The following PTPRD variants were observed in gnomAD, a reference collection of about 807,000 sequenced individuals.
PTPRD encodes receptor-type tyrosine-protein phosphatase delta.
A neutral mutation model predicts 214.5 loss-of-function variants in PTPRD; 34 were observed. The ratio of observed to expected loss-of-function variants is 0.16; its 90% CI spans 0.12 to 0.21. The LOEUF (loss-of-function observed/expected upper bound fraction) is 0.21, where lower values mean the gene tolerates loss of function less well. PTPRD is among the 10% of genes least tolerant of loss of function. The pLI, the probability that PTPRD is intolerant of heterozygous loss-of-function variation, is 1.00. For synonymous variants in PTPRD, 1,128 were observed against 845.7 expected, an observed-to-expected ratio of 1.33 and a Z score of -5.79; for missense variants, 2,545 against 2,398.7, an observed-to-expected ratio of 1.06 and a Z score of -1.27.
intron 3 of PTPRD, among the ~76,000 whole-genome samples, chr9:10,056,404 TACCC>T (rs1159691915): frequency 6.6e-6 from 1 of 150,936 alleles, no homozygotes; most frequent in Non-Finnish European, 1.5e-5. Context: ...CAATAAAAGA[TACCC>T]ACAGGAGGAT....
intron 7 of PTPRD, among the ~76,000 whole-genome samples, chr9:9,592,419 T>A (rs566662059): frequency 6.6e-6 from 1 of 152,022 alleles, no homozygotes; most frequent in Non-Finnish European, 1.5e-5. Flanking sequence ...TCATATACAA[T>A]ATGAAAAATA....
At chr9:9,702,543 T>A (rs1305770701) in intron 7 of PTPRD, among the ~76,000 whole-genome samples, 1 of 152,126 alleles carries the variant, frequency 6.6e-6, no homozygotes, top group Non-Finnish European at 1.5e-5. Context: ...GGAAATAGAT[T>A]TCAGGTGGAT....
intron 11 of PTPRD, among the ~76,000 whole-genome samples, chr9:8,910,992 G>A (rs2098742913): frequency 6.6e-6 from 1 of 152,152 alleles, no homozygotes; most frequent in African/African-American, 2.4e-5. Flanking sequence ...ATCGATTAAA[G>A]ACACTATTAT....
intron 4 of PTPRD, among the ~76,000 whole-genome samples, chr9:9,985,773 G>A (rs1036361704): frequency 5.3e-5 from 8 of 151,550 alleles, no homozygotes; most frequent in African/African-American, 1.7e-4. Flanking sequence ...TTTTGATTAT[G>A]AAAAACATTT....
At chr9:8,330,408 A>G (rs779756993) in intron 44 of PTPRD, among the ~76,000 whole-genome samples, 2 of 152,158 alleles carry the variant, frequency 1.3e-5, no homozygotes, top group East Asian at 1.9e-4. Flanking sequence ...CAACTTTTAT[A>G]TGCACTGGGA....
intron 8 of PTPRD, among the ~76,000 whole-genome samples, chr9:9,463,450 G>A (rs1172772217): frequency 6.6e-6 from 1 of 152,014 alleles, no homozygotes; most frequent in Non-Finnish European, 1.5e-5. Context: ...GAGAGCAAGT[G>A]AGCAAGCAAG....
chr9:9,636,122 T>C (rs1015690852), intron 7 of PTPRD, among the ~76,000 whole-genome samples: 1 of 152,196 alleles, frequency 6.6e-6, no homozygotes, highest in African/African-American at 2.4e-5. Context: ...GCTTACAGGA[T>C]ATTTTTCACG....
intron 3 of PTPRD, among the ~76,000 whole-genome samples, chr9:10,083,956 A>C (rs1178656016): frequency 1.3e-5 from 2 of 151,960 alleles, no homozygotes; most frequent in African/African-American, 4.8e-5. Flanking sequence ...AGTTGGGGAC[A>C]CCTGAATAGA....
At chr9:8,653,820 G>C (rs983767828) in intron 12 of PTPRD, among the ~76,000 whole-genome samples, 1 of 152,156 alleles carries the variant, frequency 6.6e-6, no homozygotes, top group South Asian at 2.1e-4. Context: ...TTCTAACTTA[G>C]AAACCATTTT....
intron 3 of PTPRD, among the ~76,000 whole-genome samples, chr9:10,037,499 T>C (rs1422763424): frequency 6.6e-6 from 1 of 151,814 alleles, no homozygotes. Context: ...AGCCATGCTT[T>C]GGTATATTGT....
chr9:9,486,965 G>C (rs2095664239), intron 8 of PTPRD, among the ~76,000 whole-genome samples: 1 of 152,072 alleles, frequency 6.6e-6, no homozygotes, highest in Non-Finnish European at 1.5e-5. Flanking sequence ...ACTGTGAAGA[G>C]ATATTTGTCT....
At chr9:9,491,052 G>T (rs2095872364) in intron 8 of PTPRD, among the ~76,000 whole-genome samples, 1 of 151,742 alleles carries the variant, frequency 6.6e-6, no homozygotes, top group African/African-American at 2.4e-5. Flanking sequence ...GTATATAAGA[G>T]ACTCTCTTTA....
At chr9:8,883,701 G>A (rs948989414) in intron 11 of PTPRD, among the ~76,000 whole-genome samples, 5 of 152,158 alleles carry the variant, frequency 3.3e-5, no homozygotes, top group Admixed American at 3.3e-4. Context: ...AGACCCCGTT[G>A]AGGACTTTCT....
chr9:10,304,924 G>A (rs1245724546), intron 3 of PTPRD, among the ~76,000 whole-genome samples: 1 of 152,014 alleles, frequency 6.6e-6, no homozygotes, highest in Non-Finnish European at 1.5e-5. Context: ...AGTTCATATG[G>A]AACCAAAAAA....
At chr9:10,018,309 T>G (rs1201832239) in intron 4 of PTPRD, among the ~76,000 whole-genome samples, 1 of 152,058 alleles carries the variant, frequency 6.6e-6, no homozygotes, top group Non-Finnish European at 1.5e-5. Flanking sequence ...CTCTTTTATA[T>G]ATTCCAATAA....
intron 11 of PTPRD, among the ~76,000 whole-genome samples, chr9:8,995,024 T>C (rs1282477710): frequency 6.6e-6 from 1 of 151,772 alleles, no homozygotes; most frequent in African/African-American, 2.4e-5. Flanking sequence ...TAAGAGCAAG[T>C]AAAGGAAACA....
intron 12 of PTPRD, among the ~76,000 whole-genome samples, chr9:8,661,782 G>A (rs2097059902): frequency 6.6e-6 from 1 of 152,294 alleles, no homozygotes; most frequent in South Asian, 2.1e-4. Flanking sequence ...GAGTGCTTGT[G>A]ACCTATGCAG....
Position 10,099,088 on chromosome 9 carries a change from A to G in PTPRD, c.-544-65298T>C, listed in dbSNP as rs73392174. Among the ~76,000 whole-genome samples the G allele has an allele frequency of 4.4e-3, 661 of 151,896 alleles. 7 individuals are homozygous for G. The highest frequency in any genetic ancestry group is 0.014 in the African/African-American group (579 of 41,498). On this transcript the variant is annotated intron_variant, in intron 3 of 45. Transcript: ENST00000381196. ...CCTGTCATAATTTCATTAATAAATG[A>G]CATTGCTCTTGAGTTCCATAGAAGC... is the stretch of plus-strand genomic sequence containing the variant.
chr9:8,813,033 T>C (rs1205378064), intron 11 of PTPRD, among the ~76,000 whole-genome samples: 3 of 130,484 alleles, frequency 2.3e-5, no homozygotes, highest in South Asian at 2.4e-4. Flanking sequence ...ACTGAGAAAA[T>C]AGGATCTACA....
Sources: gnomAD v4.1 joint callset for allele counts (sites outside exome capture counted in the v4.1 genomes callset) on GRCh38, gnomAD v4.1.1 for gene constraint, MANE v1.5 for transcripts, NCBI Gene and HGNC (gene_info 2026-07-23, HGNC 2026-07-21) for gene names.